Variants in VTA1 observed in about 807,000 individuals in gnomAD.
VTA1 encodes the protein vacuolar protein sorting-associated protein VTA1 homolog.
In VTA1, 24 loss-of-function variants were observed where a neutral mutation model predicts 36.9. The observed-to-expected ratio is 0.65, with a 90% CI of 0.47 to 0.91. The LOEUF is 0.91. Ranked by LOEUF, VTA1 falls within the 40% of genes least tolerant of loss-of-function variation. The pLI, the probability that VTA1 is intolerant of heterozygous loss-of-function variation, is 0.00. For missense variants in VTA1, 393 were observed against 377.2 expected (o/e 1.04, Z -0.35); for synonymous variants, 142 against 130.2 (o/e 1.09, Z -0.62).
At chr6:142,158,939 G>C (rs1373199634) in intron 1 of VTA1, among the ~76,000 whole-genome samples, 1 of 151,904 alleles carries the variant, frequency 6.6e-6, no homozygotes, top group Non-Finnish European at 1.5e-5. Context: ...GTACTTATAC[G>C]TATACCATAA....
intron 7 of VTA1, among the ~76,000 whole-genome samples, chr6:142,206,299 T>C (rs1049437293): frequency 6.6e-6 from 1 of 152,190 alleles, no homozygotes; most frequent in African/African-American, 2.4e-5. Flanking sequence ...TTAAATACAC[T>C]TGCCATTGTG....
At chr6:142,174,758 G>T (rs575545694) in intron 4 of VTA1, among the ~76,000 whole-genome samples, 1 of 152,122 alleles carries the variant, frequency 6.6e-6, no homozygotes, top group Admixed American at 6.5e-5. Context: ...GAATGGCTTG[G>T]TGCCCTCCCC....
chr6:142,217,588 A>G (rs1776026513), intron 7 of VTA1, among the ~76,000 whole-genome samples: 1 of 151,620 alleles, frequency 6.6e-6, no homozygotes, highest in Non-Finnish European at 1.5e-5. Context: ...AAATATATAC[A>G]TATGGCAAAA....
At chr6:142,148,721 G>T (rs1404745498) in intron 1 of VTA1, among the ~76,000 whole-genome samples, 1 of 152,158 alleles carries the variant, frequency 6.6e-6, no homozygotes, top group Non-Finnish European at 1.5e-5. Flanking sequence ...GAGTAGTGGT[G>T]GCAGGGAGTG....
rs548573145 is a variant in VTA1 at position 142,173,537 on chromosome 6, A to G, written c.411+3116A>G. ...GCCCTCTCCTAGTTCTTATTTGGGG[A>G]AGCTACCTTCCCCTATGTATTTTAG... is the stretch of plus-strand genomic sequence containing the variant. On this transcript the variant is annotated intron_variant, in intron 4 of 7. Coordinates refer to ENST00000367630, the MANE Select transcript of VTA1 (RefSeq NM_016485.5). Among the ~76,000 whole-genome samples the G allele has an allele frequency of 2.6e-5, 4 of 152,266 alleles. No individual in the cohort carries two copies. The East Asian group carries it at 7.7e-4, about 29-fold the overall frequency.
At position 142,169,475 on chromosome 6, in the gene VTA1, A is replaced by G. The variant is rs1774987526; in HGVS notation, c.208-75A>G. ...GTAAAATAATTTACTTAAAATGATTATTAGAATTGTTTGTAATTAAGTCAA... is the reference window on the plus strand; with the variant it reads ...GTAAAATAATTTACTTAAAATGATTGTTAGAATTGTTTGTAATTAAGTCAA... On this transcript the variant is annotated intron_variant, in intron 2 of 7. Transcript: ENST00000367630. 8 of 1,413,964 alleles carry G rather than the reference A, an allele frequency of 5.7e-6. No individual in the cohort carries two copies. In the African/African-American group the frequency reaches 1.0e-4, roughly 18 times the overall value. The allele number at this position is 1,413,964 out of a possible 1,614,324, so 87.6% of individuals were successfully genotyped here.
chr6:142,178,568 G>T (rs189410133), intron 4 of VTA1, among the ~76,000 whole-genome samples: 21 of 152,114 alleles, frequency 1.4e-4, no homozygotes, highest in African/African-American at 5.1e-4. Context: ...AAATGTAAAA[G>T]ACTATATATT....
intron 7 of VTA1, among the ~76,000 whole-genome samples, chr6:142,215,214 G>A (rs1775983800): frequency 1.3e-5 from 2 of 152,090 alleles, no homozygotes; most frequent in African/African-American, 4.8e-5. Flanking sequence ...CGAGATGGGT[G>A]GATCACGAGG....
At position 142,165,530 on chromosome 6, in the gene VTA1, A is replaced by G. The variant is rs1370538918; in HGVS notation, c.113-698A>G. Among the ~76,000 whole-genome samples the G allele has an allele frequency of 3.3e-5, 5 of 152,318 alleles. No individual in the cohort carries two copies. In the East Asian group the frequency reaches 7.7e-4, roughly 24 times the overall value. On this transcript the variant is annotated intron_variant, in intron 1 of 7. Transcript: ENST00000367630. ...ACCTAAATGTGCTTTTGTTAGCATG[A>G]TGCATTCATGCTGTAGAACATTAGC... is the stretch of plus-strand genomic sequence containing the variant.
chr6:142,182,487 T>A (rs1331431622), intron 4 of VTA1, among the ~76,000 whole-genome samples: 1 of 152,214 alleles, frequency 6.6e-6, no homozygotes, highest in East Asian at 1.9e-4. Flanking sequence ...AGATAATGCT[T>A]GCTAGGACCA....
chr6:142,201,674 A>G (rs2114676660), intron 6 of VTA1, among the ~76,000 whole-genome samples: 1 of 152,154 alleles, frequency 6.6e-6, no homozygotes, highest in South Asian at 2.1e-4. Context: ...ATCAAAATGT[A>G]GGCTGTGTAC....
intron 7 of VTA1, among the ~76,000 whole-genome samples, chr6:142,206,648 AAGG>A (rs1775796921): frequency 6.6e-6 from 1 of 152,194 alleles, no homozygotes; most frequent in African/African-American, 2.4e-5. Flanking sequence ...CGTAGTACTG[AAGG>A]AGAAGAACAA....
chr6:142,220,650 A>C lies in VTA1; in HGVS notation c.*2007A>C, dbSNP rs542974041. On this transcript the variant is annotated 3_prime_UTR_variant, in exon 8 of 8. Transcript: ENST00000367630. ...TAATATCAGGAAATCCCAGTTGTCTATGTGGCCCAGTGCTTAAAAACGCCT... is the reference window on the plus strand; with the variant it reads ...TAATATCAGGAAATCCCAGTTGTCTCTGTGGCCCAGTGCTTAAAAACGCCT... 1 of 152,184 alleles carries C rather than the reference A, an allele frequency of 6.6e-6. No individual in the cohort carries two copies. Among genetic ancestry groups the C allele is most frequent in the African/African-American group, 2.4e-5 (1 of 41,442 alleles). 9.4% of individuals were successfully genotyped at this position (152,184 alleles called of 1,614,324 possible).
At chr6:142,213,286 A>G (rs1273351373) in intron 7 of VTA1, among the ~76,000 whole-genome samples, 1 of 152,190 alleles carries the variant, frequency 6.6e-6, no homozygotes, top group Admixed American at 6.5e-5. Context: ...CTTTGACTCC[A>G]TGTCTCACTT....
chr6:142,189,587 A>C (rs1012712518), intron 5 of VTA1, 53 bp downstream of exon 5: 2 of 1,450,842 alleles, frequency 1.4e-6, no homozygotes, highest in Non-Finnish European at 1.9e-6. Flanking sequence ...ATAATTATTC[A>C]GTAGATTACT....
In VTA1 at chr6:142,147,699, C is replaced by T. The variant is rs377552974; in HGVS notation, c.112+300C>T. 4.1e-3 allele frequency among the ~76,000 whole-genome samples: 632 copies of T among 152,346 alleles called. 3 individuals carry two copies. The highest frequency in any genetic ancestry group is 3.4e-3 in the Non-Finnish European group (234 of 68,034). On this transcript the variant is annotated intron_variant, in intron 1 of 7. Transcript: ENST00000367630. ...TCTGTGTGTGTACACACAAGAGCTT[C>T]TTGTCTCAAATAGGAATCCTGAAAA...
chr6:142,165,921 G>A (rs1484270391), intron 1 of VTA1, among the ~76,000 whole-genome samples: 2 of 150,896 alleles, frequency 1.3e-5, no homozygotes, highest in East Asian at 3.9e-4. Flanking sequence ...TTTGCTGTGT[G>A]CTCTGTCTTA....
intron 4 of VTA1, among the ~76,000 whole-genome samples, chr6:142,181,095 ATATATATAT>A (rs1479567025): frequency 5.7e-5 from 2 of 35,262 alleles, no homozygotes; most frequent in Admixed American, 4.6e-4. Flanking sequence ...AAAAAAAAAA[ATATATATAT>A]ATATATATAT....
chr6:142,172,192 G>A (rs1389125461), intron 4 of VTA1, among the ~76,000 whole-genome samples: 2 of 152,094 alleles, frequency 1.3e-5, no homozygotes, highest in African/African-American at 4.8e-5. Context: ...TTGTATTTTA[G>A]CAGAGATGGG....
Sources: gnomAD v4.1 joint callset for allele counts (sites outside exome capture counted in the v4.1 genomes callset) on GRCh38, gnomAD v4.1.1 for gene constraint, MANE v1.5 for transcripts, NCBI Gene and HGNC (gene_info 2026-07-23, HGNC 2026-07-21) for gene names.